Variants in MTUS2 observed in about 807,000 individuals in gnomAD.
MTUS2 encodes the protein microtubule-associated tumor suppressor candidate 2.
In MTUS2, 40 loss-of-function variants were observed where a neutral mutation model predicts 114.1. The observed-to-expected ratio is 0.35, with a 90% CI of 0.27 to 0.46. The LOEUF is 0.46. Ranked by LOEUF, MTUS2 falls within the 20% of genes least tolerant of loss-of-function variation. MTUS2 has a pLI of 1.00. For missense variants in MTUS2, 1,679 were observed against 1,705.4 expected (o/e 0.98, Z 0.27); for synonymous variants, 688 against 672.0 (o/e 1.02, Z -0.37).
chr13:29,392,926 A>G (rs143574715), intron 8 of MTUS2, among the ~76,000 whole-genome samples: 379 of 152,360 alleles, frequency 2.5e-3, no homozygotes, highest in Middle Eastern at 6.8e-3. Flanking sequence ...TAAAAAACCG[A>G]TAAGTGGCAT....
At chr13:29,476,629 A>G (rs1880726743) in intron 9 of MTUS2, 1 of 152,182 alleles carries the variant, frequency 6.6e-6, no homozygotes, top group South Asian at 2.1e-4. Context: ...TGTCACCACA[A>G]TCCGTTTTAG....
chr13:29,493,793 C>T (rs966583756), intron 12 of MTUS2, among the ~76,000 whole-genome samples: 1 of 152,198 alleles, frequency 6.6e-6, no homozygotes, highest in Non-Finnish European at 1.5e-5. Flanking sequence ...GGCCATACAG[C>T]GATATCACAA....
intron 8 of MTUS2, 75 bp from the exon 9 acceptor site, chr13:29,439,908 C>T (rs1469221249): frequency 3.6e-6 from 4 of 1,109,724 alleles, no homozygotes; most frequent in Admixed American, 2.0e-5. Flanking sequence ...TAATACGATT[C>T]ATTAATTAAT....
intron 10 of MTUS2, chr13:29,482,358 G>A (rs915025318): frequency 5.3e-5 from 8 of 152,180 alleles, no homozygotes; most frequent in Admixed American, 3.9e-4. Flanking sequence ...GGGACACGGC[G>A]GCCTTTTAGA....
rs2138893296 is a variant in MTUS2 at position 29,480,083 on chromosome 13, G to A, written c.3185-67G>A. On this transcript the variant is annotated intron_variant, in intron 9 of 15. Coordinates refer to ENST00000612955, the MANE Select transcript of MTUS2 (RefSeq NM_001033602.4). This position sits in a 1 kb window ranked among gnomAD's most constrained non-coding sequence, Gnocchi z 4.4. ...CGCCAGCCTTGATGATCTGACCATG[G>A]AGGCTGAGTCCTTCCCATGCCTCCT... 1.4e-6 allele frequency: 2 copies of A among 1,479,606 alleles called. No individual in the cohort carries two copies. Among genetic ancestry groups the A allele is most frequent in the Middle Eastern group, 1.7e-4 (1 of 5,806 alleles). The allele number at this position is 1,479,606 out of a possible 1,614,324, so 91.7% of individuals were successfully genotyped here. A position where few individuals can be genotyped will look rare whatever the true frequency, so the allele number is the denominator to read the frequency against.
chr13:28,964,914 A>G (rs1883511280), intron 2 of MTUS2, among the ~76,000 whole-genome samples: 1 of 151,612 alleles, frequency 6.6e-6, no homozygotes, highest in Admixed American at 6.6e-5. Flanking sequence ...GTGCATGTAT[A>G]TCTGATAGTC....
chr13:28,994,257 T>C (rs891849484), intron 2 of MTUS2, among the ~76,000 whole-genome samples: 1 of 152,236 alleles, frequency 6.6e-6, no homozygotes, highest in African/African-American at 2.4e-5. Flanking sequence ...CTGCACAGTA[T>C]TCCATGGTGT....
At chr13:28,859,680 A>G (rs1348330113) in intron 2 of MTUS2, among the ~76,000 whole-genome samples, 1 of 152,198 alleles carries the variant, frequency 6.6e-6, no homozygotes, top group Non-Finnish European at 1.5e-5. Flanking sequence ...ATGCAGGATG[A>G]TGGGGTAGAC....
At chr13:29,155,129 T>C (rs1001086212) in intron 5 of MTUS2, among the ~76,000 whole-genome samples, 14 of 152,222 alleles carry the variant, frequency 9.2e-5, no homozygotes, top group African/African-American at 3.1e-4. Flanking sequence ...GGAAGGTTGA[T>C]AAAGGTAAAA....
chr13:29,341,593 G>T (rs1901404366), intron 7 of MTUS2, among the ~76,000 whole-genome samples: 1 of 152,114 alleles, frequency 6.6e-6, no homozygotes, highest in Admixed American at 6.5e-5. Flanking sequence ...TCTGAGGGAT[G>T]TCTGTTCACT....
chr13:29,297,333 T>C (rs1898992013), intron 6 of MTUS2, among the ~76,000 whole-genome samples: 1 of 152,204 alleles, frequency 6.6e-6, no homozygotes, highest in Non-Finnish European at 1.5e-5. Flanking sequence ...CGTTTCTTAT[T>C]TCCTTTTTAA....
chr13:29,351,788 T>A (rs1251731240), intron 7 of MTUS2, among the ~76,000 whole-genome samples: 24 of 151,656 alleles, frequency 1.6e-4, no homozygotes, highest in Middle Eastern at 3.4e-3. Context: ...ATTTTTTTTT[T>A]TTTTTTTGTA....
intron 10 of MTUS2, chr13:29,482,459 C>T (rs1457448887): frequency 6.6e-6 from 1 of 152,234 alleles, no homozygotes; most frequent in African/African-American, 2.4e-5. Context: ...AATTCAAACA[C>T]GCTCTGTTGT....
At chr13:28,975,222 C>G (rs919855134) in intron 2 of MTUS2, among the ~76,000 whole-genome samples, 1 of 152,146 alleles carries the variant, frequency 6.6e-6, no homozygotes, top group Non-Finnish European at 1.5e-5. Context: ...CCTTTCCATC[C>G]CTAGCAGCCA....
At chr13:29,316,995 A>G (rs1228261985) in intron 6 of MTUS2, among the ~76,000 whole-genome samples, 1 of 152,156 alleles carries the variant, frequency 6.6e-6, no homozygotes, top group East Asian at 1.9e-4. Context: ...TTGGGGGGGA[A>G]TTTACAAAGC....
At chr13:29,389,461 G>GTATACACGCGTGTA (rs145762217) in intron 8 of MTUS2, among the ~76,000 whole-genome samples, 1 of 50,066 alleles carries the variant, frequency 2.0e-5, no homozygotes, top group African/African-American at 4.6e-5. Context: ...ACACGTGTGT[G>GTATACACGCGTGTA]TATGTGTATA....
intron 5 of MTUS2, among the ~76,000 whole-genome samples, chr13:29,208,269 T>C (rs1240477323): frequency 6.6e-6 from 1 of 152,102 alleles, no homozygotes; most frequent in African/African-American, 2.4e-5. Flanking sequence ...GTGGTATCAG[T>C]TATAGTATCT....
intron 2 of MTUS2, among the ~76,000 whole-genome samples, chr13:28,887,319 C>G (rs138270854): frequency 1.6e-3 from 237 of 152,238 alleles, no homozygotes; most frequent in African/African-American, 5.5e-3. Flanking sequence ...ATACCCTCGC[C>G]CCTTTCGGCT....
At chr13:29,319,987 G>T (rs952349779) in intron 6 of MTUS2, among the ~76,000 whole-genome samples, 1 of 152,226 alleles carries the variant, frequency 6.6e-6, no homozygotes, top group Non-Finnish European at 1.5e-5. Context: ...CAGGGAAGCT[G>T]CAGTACGCTG....
Sources: allele counts gnomAD v4.1 joint callset (sites outside exome capture counted in the v4.1 genomes callset), GRCh38; gene constraint gnomAD v4.1.1; non-coding constraint Gnocchi (gnomAD v3.1); transcripts MANE v1.5; gene names NCBI Gene and HGNC (gene_info 2026-07-23, HGNC 2026-07-21).